The following SCN8A variants were observed in gnomAD, a reference collection of about 807,000 sequenced individuals.
The protein encoded by SCN8A is sodium channel protein type 8 subunit alpha.
In SCN8A, 30 loss-of-function variants were observed where a neutral mutation model predicts 184.1. The ratio of observed to expected loss-of-function variants is 0.16; its 90% CI spans 0.12 to 0.22. SCN8A has a LOEUF of 0.22. Among genes scored for constraint, SCN8A ranks in the 10% least tolerant of loss-of-function variants. The pLI, the probability that SCN8A is intolerant of heterozygous loss-of-function variation, is 1.00. For synonymous variants in SCN8A, 852 were observed against 907.0 expected (o/e 0.94, Z 1.09); for missense variants, 1,057 against 2,498.9 (o/e 0.42, Z 12.30).
At chr12:51,771,721 C>G (rs56326610) in intron 19 of SCN8A, among the ~76,000 whole-genome samples, 1 of 152,222 alleles carries the variant, frequency 6.6e-6, no homozygotes, top group African/African-American at 2.4e-5. Flanking sequence ...ACCACCCCGC[C>G]TGCCCCTGGG....
chr12:51,622,932 A>T (rs1373218064), intron 1 of SCN8A, among the ~76,000 whole-genome samples: 1 of 152,114 alleles, frequency 6.6e-6, no homozygotes, highest in Non-Finnish European at 1.5e-5. Flanking sequence ...TATTTATTTT[A>T]TACCTTGGGT....
At chr12:51,627,773 A>G (rs1940111765) in intron 1 of SCN8A, among the ~76,000 whole-genome samples, 1 of 152,214 alleles carries the variant, frequency 6.6e-6, no homozygotes, top group Admixed American at 6.5e-5. Flanking sequence ...TTAATAATTT[A>G]TAGCTATAAT....
chr12:51,626,323 G>A (rs1358572071), intron 1 of SCN8A, among the ~76,000 whole-genome samples: 1 of 152,118 alleles, frequency 6.6e-6, no homozygotes, highest in Non-Finnish European at 1.5e-5. Flanking sequence ...AACAACTTTG[G>A]CCATTAGTTT....
At chr12:51,801,611 G>T (rs561863480) in intron 26 of SCN8A, among the ~76,000 whole-genome samples, 1 of 152,102 alleles carries the variant, frequency 6.6e-6, no homozygotes, top group African/African-American at 2.4e-5. Flanking sequence ...TTAACTCCCC[G>T]AGCTGCGATA....
intron 1 of SCN8A, among the ~76,000 whole-genome samples, chr12:51,599,797 A>G (rs1369402831): frequency 1.3e-5 from 2 of 152,158 alleles, no homozygotes; most frequent in African/African-American, 2.4e-5. Context: ...AAGTAAATAT[A>G]ACTTTGTATA....
chr12:51,672,128 C>A (rs1393153945), intron 2 of SCN8A, among the ~76,000 whole-genome samples: 1 of 152,146 alleles, frequency 6.6e-6, no homozygotes, highest in African/African-American at 2.4e-5. Flanking sequence ...TAAACACACT[C>A]AAAGCCTCTC....
At chr12:51,714,503 G>T (rs1280462544) in intron 11 of SCN8A, among the ~76,000 whole-genome samples, 1 of 152,186 alleles carries the variant, frequency 6.6e-6, no homozygotes, top group East Asian at 1.9e-4. Flanking sequence ...CTTATGAGAA[G>T]ATGAGTGATA....
chr12:51,715,020 A>G (rs775925515), intron 11 of SCN8A, among the ~76,000 whole-genome samples: 6 of 152,298 alleles, frequency 3.9e-5, no homozygotes, highest in Non-Finnish European at 8.8e-5. Flanking sequence ...CCTCTAGTCT[A>G]GGAAAATTGA....
intron 13 of SCN8A, among the ~76,000 whole-genome samples, chr12:51,749,610 T>G (rs1034148780): frequency 1.1e-4 from 16 of 152,284 alleles, no homozygotes; most frequent in Non-Finnish European, 2.2e-4. Flanking sequence ...CCTCACAGAC[T>G]TCCTTTCCCA....
At position 51,774,340 on chromosome 12, in the gene SCN8A, G is replaced by C; in HGVS notation, c.3797G>C (p.Trp1266Ser). The stretch of plus-strand genomic sequence containing the variant: ...AAGTTCTTCACCAATGCCTGGTGTT[G>C]GCTGGACTTCCTCATTGTGGCTGTA... Reference protein sequence around the residue: ...FVKFFTNAWCWLDFLIVAVSL... With the variant: ...FVKFFTNAWCSLDFLIVAVSL... Residue 1266 changes from tryptophan to serine, a missense_variant, in exon 20 of 27, where the codon TGG becomes TCG. Coordinates refer to ENST00000627620, the MANE Select transcript of SCN8A (RefSeq NM_001330260.2). The C allele has an allele frequency of 6.2e-7, 1 of 1,612,246 alleles. No homozygotes were observed. Among genetic ancestry groups the C allele is most frequent in the South Asian group, 1.1e-5 (1 of 90,656 alleles).
intron 1 of SCN8A, among the ~76,000 whole-genome samples, chr12:51,635,446 T>C (rs979409735): frequency 2.7e-5 from 4 of 146,392 alleles, no homozygotes; most frequent in Admixed American, 1.4e-4. Flanking sequence ...GTCTGACACA[T>C]AGAAGGCACT....
intron 11 of SCN8A, among the ~76,000 whole-genome samples, chr12:51,719,558 G>A (rs61936279): frequency 0.8 from 62,215 of 77,514 alleles, 25,681 homozygotes; most frequent in East Asian, 0.91. Flanking sequence ...CAGGCTGGGC[G>A]TGGTGCCTCC....
intron 1 of SCN8A, among the ~76,000 whole-genome samples, chr12:51,643,500 G>A (rs1426901626): frequency 2.0e-5 from 3 of 152,024 alleles, no homozygotes; most frequent in African/African-American, 7.3e-5. Flanking sequence ...TGTGTATTTG[G>A]GCATGTCTAT....
intron 1 of SCN8A, among the ~76,000 whole-genome samples, chr12:51,645,302 C>T (rs1426761802): frequency 4.0e-5 from 6 of 151,408 alleles, no homozygotes; most frequent in Non-Finnish European, 5.9e-5. Context: ...CCCCTCTGCC[C>T]GGCCAGCCGC....
At position 51,780,788 on chromosome 12, in the gene SCN8A, A is replaced by C; in HGVS notation, c.3942+17A>C. The C allele has an allele frequency of 6.4e-7, 1 of 1,567,636 alleles. No individual in the cohort carries two copies. The stretch of plus-strand genomic sequence containing the variant: ...GGGATGAGGGTAAGATACTAAGAGC[A>C]GCTGATCCTTCTGCATGCCAGTGGA... On this transcript the variant is annotated intron_variant, in intron 21 of 26. Coordinates refer to ENST00000627620, the MANE Select transcript of SCN8A (RefSeq NM_001330260.2).
intron 1 of SCN8A, among the ~76,000 whole-genome samples, chr12:51,598,544 C>A (rs1196565623): frequency 6.6e-6 from 1 of 152,134 alleles, no homozygotes; most frequent in Admixed American, 6.5e-5. Context: ...TTCATTTCCT[C>A]TTGATTTTTA....
At chr12:51,801,619 A>C (rs1201461122) in intron 26 of SCN8A, among the ~76,000 whole-genome samples, 1 of 152,226 alleles carries the variant, frequency 6.6e-6, no homozygotes, top group African/African-American at 2.4e-5. Flanking sequence ...CCGAGCTGCG[A>C]TATTAAACAC....
intron 11 of SCN8A, among the ~76,000 whole-genome samples, chr12:51,716,952 G>T (rs1455231139): frequency 2.0e-5 from 3 of 152,102 alleles, no homozygotes. Flanking sequence ...CAGACAAGTA[G>T]TTACCACCTC....
chr12:51,801,261 A>C (rs188603225), intron 26 of SCN8A, among the ~76,000 whole-genome samples: 2 of 152,158 alleles, frequency 1.3e-5, no homozygotes, highest in African/African-American at 4.8e-5. Flanking sequence ...TTGGGATCCA[A>C]TTATTCCCAT....
Sources: allele counts gnomAD v4.1 joint callset (sites outside exome capture counted in the v4.1 genomes callset), GRCh38; gene constraint gnomAD v4.1.1; transcripts MANE v1.5; gene names NCBI Gene and HGNC (gene_info 2026-07-23, HGNC 2026-07-21).